NTM: variants seen among roughly 807,000 people sequenced by gnomAD.
The protein encoded by NTM is neurotrimin.
In NTM, 13 loss-of-function variants were observed where a neutral mutation model predicts 42.1. That is an observed-to-expected ratio of 0.31 (90% CI 0.20 to 0.49). The LOEUF (loss-of-function observed/expected upper bound fraction) is 0.49, where lower values mean the gene tolerates loss of function less well. Ranked by LOEUF, NTM falls within the 20% of genes least tolerant of loss-of-function variation. NTM has a pLI of 0.99. For synonymous variants in NTM, 187 were observed against 179.2 expected, an observed-to-expected ratio of 1.04 and a Z score of -0.35; for missense variants, 373 against 452.8, an observed-to-expected ratio of 0.82 and a Z score of 1.60.
At chr11:131,428,284 C>G (rs1256318466) in intron 1 of NTM, among the ~76,000 whole-genome samples, 3 of 152,216 alleles carry the variant, frequency 2.0e-5, no homozygotes, top group Admixed American at 2.0e-4. Context: ...TGTAAGTTCA[C>G]ACTTCTTAGC....
intron 1 of NTM, among the ~76,000 whole-genome samples, chr11:131,640,516 T>G (rs2065004109): frequency 6.6e-6 from 1 of 152,180 alleles, no homozygotes; most frequent in Admixed American, 6.5e-5. Flanking sequence ...TCTTTTTTTC[T>G]TGCTAATGAG....
At chr11:131,985,576 C>T (rs915668260) in intron 2 of NTM, among the ~76,000 whole-genome samples, 2 of 152,124 alleles carry the variant, frequency 1.3e-5, no homozygotes, top group East Asian at 3.9e-4. Flanking sequence ...GGTTGCCTAC[C>T]CTCAGTTTGT....
At chr11:131,649,968 G>C (rs1034032096) in intron 1 of NTM, among the ~76,000 whole-genome samples, 2 of 152,208 alleles carry the variant, frequency 1.3e-5, no homozygotes, top group African/African-American at 4.8e-5. Context: ...ACTTTGAGCA[G>C]ACACGCTTCT....
chr11:132,023,168 C>T (rs1239473059), intron 2 of NTM, among the ~76,000 whole-genome samples: 1 of 152,136 alleles, frequency 6.6e-6, no homozygotes, highest in Non-Finnish European at 1.5e-5. Context: ...CACGTGCTGC[C>T]GCCTGGGCAT....
intron 2 of NTM, among the ~76,000 whole-genome samples, chr11:132,040,994 C>T (rs1425924115): frequency 6.6e-6 from 1 of 152,182 alleles, no homozygotes; most frequent in Non-Finnish European, 1.5e-5. Flanking sequence ...GTACCTAAGA[C>T]AATTCCTGGC....
chr11:132,024,736 A>C (rs1593847051), intron 2 of NTM, among the ~76,000 whole-genome samples: 1 of 152,166 alleles, frequency 6.6e-6, no homozygotes, highest in South Asian at 2.1e-4. Context: ...GAAGTTGTCA[A>C]CTTCTGACTC....
chr11:131,571,174 C>T (rs926170981), intron 1 of NTM, among the ~76,000 whole-genome samples: 1 of 152,164 alleles, frequency 6.6e-6, no homozygotes, highest in Non-Finnish European at 1.5e-5. Context: ...CAAGGAGGTG[C>T]TCAGGAAGTA....
At chr11:131,975,189 T>C (rs760813050) in intron 2 of NTM, among the ~76,000 whole-genome samples, 1 of 143,904 alleles carries the variant, frequency 6.9e-6, no homozygotes, top group Admixed American at 6.8e-5. Context: ...AATCTTGCCT[T>C]CTTTTTTTTT....
intron 3 of NTM, among the ~76,000 whole-genome samples, chr11:132,168,986 C>G (rs2075706550): frequency 7.5e-6 from 1 of 132,872 alleles, no homozygotes; most frequent in African/African-American, 2.9e-5. Context: ...ATCGAGTAGG[C>G]AAATGGTATG....
chr11:132,129,337 A>G (rs766002786), intron 2 of NTM, among the ~76,000 whole-genome samples: 1 of 152,206 alleles, frequency 6.6e-6, no homozygotes, highest in Non-Finnish European at 1.5e-5. Flanking sequence ...TGTGTCTCAC[A>G]CATATATTGA....
chr11:131,693,048 A>G (rs149203661), intron 1 of NTM, among the ~76,000 whole-genome samples: 1 of 150,620 alleles, frequency 6.6e-6, no homozygotes, highest in African/African-American at 2.4e-5. Context: ...AGTCATTAGA[A>G]GGCCAAGTTG....
chr11:131,850,922 C>T (rs1452758465), intron 1 of NTM, among the ~76,000 whole-genome samples: 1 of 152,184 alleles, frequency 6.6e-6, no homozygotes, highest in Non-Finnish European at 1.5e-5. Flanking sequence ...TGGAGCTGAG[C>T]TGTGTGTACA....
chr11:132,267,953 A>T (rs2093291024), intron 4 of NTM, among the ~76,000 whole-genome samples: 1 of 152,100 alleles, frequency 6.6e-6, no homozygotes, highest in African/African-American at 2.4e-5. Context: ...CAGGAAATAA[A>T]CTAATAGAAA....
intron 1 of NTM, among the ~76,000 whole-genome samples, chr11:131,691,745 G>C (rs965207636): frequency 1.3e-5 from 2 of 152,168 alleles, no homozygotes; most frequent in Admixed American, 6.5e-5. Context: ...GGGGCTGAGC[G>C]GAGCGGGGCT....
At chr11:132,226,778 C>T (rs1422735052) in intron 4 of NTM, among the ~76,000 whole-genome samples, 1 of 152,086 alleles carries the variant, frequency 6.6e-6, no homozygotes, top group Non-Finnish European at 1.5e-5. Flanking sequence ...GTATGTTAAT[C>T]TGGAATATAT....
intron 1 of NTM, among the ~76,000 whole-genome samples, chr11:131,457,412 G>A (rs1218059973): frequency 6.7e-6 from 1 of 149,010 alleles, no homozygotes; most frequent in Non-Finnish European, 1.5e-5. Context: ...GGGGAAGGGA[G>A]GAGAGCAGCA....
At position 131,599,300 on chromosome 11, in the gene NTM, G is replaced by A. The variant is rs112353838; in HGVS notation, c.82+228412G>A. On this transcript the variant is annotated intron_variant, in intron 1 of 8. Coordinates refer to ENST00000683400, the MANE Select transcript of NTM (RefSeq NM_001352005.2). The stretch of plus-strand genomic sequence containing the variant: ...CAGATGCCCTGTCTACCCAGTCTCC[G>A]GCAGATGCCCTGTCTACCCAGTCTC... Among the ~76,000 whole-genome samples, 130 of 53,814 alleles carry A rather than the reference G, an allele frequency of 2.4e-3. 4 individuals are homozygous for A. Among genetic ancestry groups the A allele is most frequent in the African/African-American group, 4.1e-3 (119 of 28,878 alleles). 35.3% of individuals were successfully genotyped at this position (53,814 alleles called of 152,430 possible).
intron 2 of NTM, among the ~76,000 whole-genome samples, chr11:132,000,307 T>C (rs1350373205): frequency 6.6e-6 from 1 of 152,242 alleles, no homozygotes; most frequent in Admixed American, 6.5e-5. Flanking sequence ...GGGGGAGTTC[T>C]GTGGCCAGCA....
chr11:131,856,983 G>A (rs2136910595), intron 1 of NTM, among the ~76,000 whole-genome samples: 1 of 152,252 alleles, frequency 6.6e-6, no homozygotes, highest in Non-Finnish European at 1.5e-5. Context: ...TGATAAAAAA[G>A]CCCTTGATCC....
Sources: gnomAD v4.1 joint callset for allele counts (sites outside exome capture counted in the v4.1 genomes callset) on GRCh38, gnomAD v4.1.1 for gene constraint, MANE v1.5 for transcripts, NCBI Gene and HGNC (gene_info 2026-07-23, HGNC 2026-07-21) for gene names.